The following NEBL variants were observed in gnomAD, a reference collection of about 807,000 sequenced individuals.
NEBL encodes nebulette, also known as LIM and SH3 protein 2.
A neutral mutation model predicts 140.2 loss-of-function variants in NEBL; 122 were observed. That is an observed-to-expected ratio of 0.87 (90% CI 0.75 to 1.01). The LOEUF (loss-of-function observed/expected upper bound fraction) is 1.01. NEBL is among the 50% of genes least tolerant of loss of function. The pLI is 0.00. For missense variants in NEBL, 1,365 were observed against 1,231.3 expected, an observed-to-expected ratio of 1.11 and a Z score of -1.62; for synonymous variants, 436 against 398.9, an observed-to-expected ratio of 1.09 and a Z score of -1.11.
chr10:21,188,725 C>T (rs1449223378), intron 3 of NEBL, among the ~76,000 whole-genome samples: 3 of 151,862 alleles, frequency 2.0e-5, no homozygotes, highest in East Asian at 1.9e-4. Flanking sequence ...CTCAGCCTCC[C>T]GGGTACAGGC....
intron 4 of NEBL, among the ~76,000 whole-genome samples, chr10:20,905,752 A>G (rs1006879658): frequency 3.3e-5 from 5 of 152,226 alleles, no homozygotes; most frequent in African/African-American, 1.2e-4. Context: ...CAAAAGTTCT[A>G]TGTCACTGGA....
intron 2 of NEBL, among the ~76,000 whole-genome samples, chr10:21,115,980 A>G (rs185175272): frequency 6.6e-6 from 1 of 152,030 alleles, no homozygotes; most frequent in East Asian, 1.9e-4. Flanking sequence ...GATAATTGCT[A>G]TATCTTCAAG....
intron 5 of NEBL, among the ~76,000 whole-genome samples, chr10:20,873,432 C>A (rs1349704900): frequency 2.0e-5 from 3 of 151,990 alleles, no homozygotes; most frequent in South Asian, 2.1e-4. Flanking sequence ...TTGTTCCCTA[C>A]TCTGTCCTCA....
intron 3 of NEBL, among the ~76,000 whole-genome samples, chr10:20,982,014 C>T (rs1460509534): frequency 6.6e-6 from 1 of 152,192 alleles, no homozygotes; most frequent in Admixed American, 6.5e-5. Context: ...TAAAACATAT[C>T]TCAATGGGTT....
At chr10:21,146,247 C>G (rs1345751664) in intron 2 of NEBL, 2 of 980,024 alleles carry the variant, frequency 2.0e-6, no homozygotes, top group Middle Eastern at 2.2e-4. Context: ...ACCCCTCTTA[C>G]AGCTGCACGT....
At position 21,082,154 on chromosome 10, in the gene NEBL, CAA is replaced by C. The variant is rs140752249; in HGVS notation, c.165-61955_165-61954del. Reference sequence around the variant, plus strand: ...GAAACTGAGGAACTTAACTGGGCTTCAAAAGAGTCGTGAAAGTCACCAAGCAA... The same window carrying C: ...GAAACTGAGGAACTTAACTGGGCTTCAAGAGTCGTGAAAGTCACCAAGCAA... On this transcript the variant is annotated intron_variant, in intron 2 of 6. Transcript: ENST00000417816. 1.4e-3 allele frequency among the ~76,000 whole-genome samples: 219 copies of C among 152,144 alleles called. 1 individual carries two copies. Among genetic ancestry groups the C allele is most frequent in the African/African-American group, 5.0e-3 (208 of 41,500 alleles).
intron 1 of NEBL, among the ~76,000 whole-genome samples, chr10:21,266,005 G>C (rs954940985): frequency 1.3e-5 from 2 of 152,188 alleles, no homozygotes; most frequent in African/African-American, 4.8e-5. Context: ...GTTAAAAATT[G>C]CTTCTAGGAG....
intron 4 of NEBL, among the ~76,000 whole-genome samples, chr10:20,950,941 G>A (rs1038808382): frequency 1.3e-5 from 2 of 151,894 alleles, no homozygotes; most frequent in African/African-American, 2.4e-5. Flanking sequence ...TAATTCTAAG[G>A]ATGCAATGAT....
At chr10:20,823,683 A>G (rs887327343) in intron 18 of NEBL, among the ~76,000 whole-genome samples, 1 of 152,226 alleles carries the variant, frequency 6.6e-6, no homozygotes, top group Non-Finnish European at 1.5e-5. Context: ...ACAAGTATTT[A>G]AAGGCAAAAG....
rs1280791841 is a variant in NEBL at position 21,173,491 on chromosome 10, T to C, written c.69+274A>G. Among the ~76,000 whole-genome samples the C allele has an allele frequency of 1.3e-5, 2 of 152,018 alleles. No individual in the cohort carries two copies. Among genetic ancestry groups the C allele is most frequent in the Non-Finnish European group, 2.9e-5 (2 of 67,992 alleles). ...GCCTGGTCCCTCCGGGGTCCGGGGC[T>C]GCGCACCGCCGTGCGCCCTCCGCAG... On this transcript the variant is annotated intron_variant, in intron 1 of 6. Transcript: ENST00000417816. This position sits in a 1 kb window ranked among gnomAD's most constrained non-coding sequence, Gnocchi z 5.7.
intron 3 of NEBL, among the ~76,000 whole-genome samples, chr10:21,230,552 T>C (rs1842232678): frequency 6.6e-6 from 1 of 151,774 alleles, no homozygotes; most frequent in Non-Finnish European, 1.5e-5. Context: ...TGAGAGAAAA[T>C]GGAGGAACTC....
Position 20,897,115 on chromosome 10 carries a change from T to C in NEBL, c.81+10A>G. Reference sequence around the variant, plus strand: ...CAAACGCTGGTCTGAGTATGTGTTTTCTCACTCACCTGGTCTTCTTCATTT... The same window carrying C: ...CAAACGCTGGTCTGAGTATGTGTTTCCTCACTCACCTGGTCTTCTTCATTT... On this transcript the variant is annotated intron_variant, in intron 1 of 27. Transcript: ENST00000377122. 6.3e-7 allele frequency: 1 copy of C among 1,591,376 alleles called. No individual in the cohort carries two copies. The highest frequency in any genetic ancestry group is 8.6e-7 in the Non-Finnish European group (1 of 1,159,330).
intron 3 of NEBL, among the ~76,000 whole-genome samples, chr10:20,988,181 C>T (rs1488317147): frequency 6.6e-6 from 1 of 152,144 alleles, no homozygotes; most frequent in East Asian, 1.9e-4. Flanking sequence ...CAGTGTGGTA[C>T]AGAAAAACAC....
intron 14 of NEBL, among the ~76,000 whole-genome samples, chr10:20,832,276 T>C (rs748810768): frequency 5.9e-5 from 9 of 152,196 alleles, no homozygotes; most frequent in Non-Finnish European, 1.2e-4. Context: ...TTTTTTTCCA[T>C]ATAAGAGCTG....
intron 3 of NEBL, among the ~76,000 whole-genome samples, chr10:21,227,711 T>TTCTTCTTCTTCCTTC (rs1456600511): frequency 6.5e-5 from 3 of 46,424 alleles, no homozygotes; most frequent in South Asian, 7.1e-4. Context: ...CTTCTTCTTC[T>TTCTTCTTCTTCCTTC]TTCTTCTTCT....
At chr10:20,940,079 G>A (rs1390888715) in intron 4 of NEBL, among the ~76,000 whole-genome samples, 2 of 152,014 alleles carry the variant, frequency 1.3e-5, no homozygotes, top group East Asian at 1.9e-4. Flanking sequence ...TCTGCACCAA[G>A]CGGACTTAAT....
chr10:20,949,614 A>G (rs1672936161), intron 4 of NEBL, among the ~76,000 whole-genome samples: 1 of 152,246 alleles, frequency 6.6e-6, no homozygotes, highest in African/African-American at 2.4e-5. Flanking sequence ...TTTAATGTAT[A>G]CAAATTTTTA....
chr10:21,025,559 C>T (rs528915003), intron 2 of NEBL, among the ~76,000 whole-genome samples: 15 of 152,224 alleles, frequency 9.9e-5, no homozygotes, highest in East Asian at 7.7e-4. Flanking sequence ...CGTCAGAGCT[C>T]GTCAAAATGC....
Position 20,894,816 on chromosome 10 carries a change from C to G in NEBL, c.153+2142G>C, listed in dbSNP as rs182705578. On this transcript the variant is annotated intron_variant, in intron 2 of 27. Transcript: ENST00000377122. Reference sequence around the variant, plus strand: ...TAGTGGCAGGCGCCTGTGGTCCCGGCTACTCGGGTGGCTGAGGCAGGAGAA... The same window carrying G: ...TAGTGGCAGGCGCCTGTGGTCCCGGGTACTCGGGTGGCTGAGGCAGGAGAA... Among the ~76,000 whole-genome samples, 557 of 149,660 alleles carry G rather than the reference C, an allele frequency of 3.7e-3. 1 individual carries two copies. The highest frequency in any genetic ancestry group is 7.0e-3 in the Non-Finnish European group (474 of 67,498).
Sources: allele counts gnomAD v4.1 joint callset (sites outside exome capture counted in the v4.1 genomes callset), GRCh38; gene constraint gnomAD v4.1.1; non-coding constraint Gnocchi (gnomAD v3.1); transcripts MANE v1.5; gene names NCBI Gene and HGNC (gene_info 2026-07-23, HGNC 2026-07-21).